SLC49A4: variants seen among roughly 807,000 people sequenced by gnomAD.
The protein encoded by SLC49A4 is solute carrier family 49 member 4.
In SLC49A4, 36 loss-of-function variants were observed where a neutral mutation model predicts 50.6. That is an observed-to-expected ratio of 0.71 (90% CI 0.55 to 0.94). The LOEUF (loss-of-function observed/expected upper bound fraction) is 0.94, where lower values mean the gene tolerates loss of function less well. SLC49A4 is among the 40% of genes least tolerant of loss of function. The pLI, the probability that SLC49A4 is intolerant of heterozygous loss-of-function variation, is 0.00. For synonymous variants in SLC49A4, 248 were observed against 241.2 expected, an observed-to-expected ratio of 1.03 and a Z score of -0.26; for missense variants, 503 against 605.7, an observed-to-expected ratio of 0.83 and a Z score of 1.78.
chr3:122,827,120 T>G, intron 3 of SLC49A4, 55 bp downstream of exon 3: 1 of 1,553,230 alleles, frequency 6.4e-7, no homozygotes, highest in Non-Finnish European at 8.7e-7. Context: ...CTCAATCATC[T>G]TCACTCTACT....
At chr3:122,797,660 G>C (rs1485556176) in intron 1 of SLC49A4, among the ~76,000 whole-genome samples, 1 of 152,170 alleles carries the variant, frequency 6.6e-6, no homozygotes, top group African/African-American at 2.4e-5. Flanking sequence ...GGTTATTGTT[G>C]TTTGCTTTTA....
intron 1 of SLC49A4, among the ~76,000 whole-genome samples, chr3:122,795,837 A>C (rs6768965): frequency 1.2e-3 from 185 of 152,366 alleles, no homozygotes; most frequent in African/African-American, 4.2e-3. Flanking sequence ...ATCCCCGTGC[A>C]CGTGCGGTGT....
At chr3:122,798,286 C>A (rs1936076600) in intron 1 of SLC49A4, among the ~76,000 whole-genome samples, 1 of 151,986 alleles carries the variant, frequency 6.6e-6, no homozygotes, top group Non-Finnish European at 1.5e-5. Context: ...ATTTAGCCAA[C>A]CTTGTTTTTT....
At chr3:122,837,011 G>A (rs1017211845) in intron 4 of SLC49A4, among the ~76,000 whole-genome samples, 4 of 152,174 alleles carry the variant, frequency 2.6e-5, no homozygotes, top group African/African-American at 9.7e-5. Context: ...CAAGGGATGT[G>A]AAGGACCTCT....
chr3:122,825,039 C>A (rs1168905318), intron 2 of SLC49A4, among the ~76,000 whole-genome samples: 1 of 152,012 alleles, frequency 6.6e-6, no homozygotes, highest in African/African-American at 2.4e-5. Context: ...AGCCAGGAGT[C>A]CTGCTTTCTT....
chr3:122,825,916 G>A (rs1576297400), intron 2 of SLC49A4, among the ~76,000 whole-genome samples: 1 of 152,168 alleles, frequency 6.6e-6, no homozygotes, highest in East Asian at 1.9e-4. Context: ...GGAGTGCTAA[G>A]GAGAATATTG....
chr3:122,866,678 T>G (rs1937125225), intron 7 of SLC49A4, among the ~76,000 whole-genome samples: 1 of 152,174 alleles, frequency 6.6e-6, no homozygotes, highest in Admixed American at 6.6e-5. Flanking sequence ...ACAGCTGTCA[T>G]GTCTGACCTT....
chr3:122,820,814 C>T (rs1936438368), intron 2 of SLC49A4, among the ~76,000 whole-genome samples: 1 of 152,352 alleles, frequency 6.6e-6, no homozygotes, highest in Admixed American at 6.5e-5. Context: ...GAAGTCTCAG[C>T]AGTGCTGATG....
chr3:122,855,929 A>G (rs1267639859), intron 5 of SLC49A4, among the ~76,000 whole-genome samples: 1 of 152,050 alleles, frequency 6.6e-6, no homozygotes, highest in Admixed American at 6.6e-5. Flanking sequence ...CCACCTCCTG[A>G]TACATTTTTA....
rs1254634298 is a variant in SLC49A4 at position 122,872,470 on chromosome 3, T to C, written c.1194T>C (p.Pro398=). The C allele has an allele frequency of 6.2e-7, 1 of 1,613,920 alleles. No individual in the cohort carries two copies. Among genetic ancestry groups the C allele is most frequent in the African/African-American group, 1.3e-5 (1 of 74,938 alleles). Residue 398 remains proline, a synonymous_variant, in exon 8 of 9, where the codon CCT becomes CCC. Transcript: ENST00000261038. ...LLGVFLNSSV[P]IFFELFVETV... Reference sequence around the variant, plus strand: ...GAGTGTTCTTGAATAGCAGCGTGCCTATATTTTTTGAGCTTTTTGTGGAAA... The same window carrying C: ...GAGTGTTCTTGAATAGCAGCGTGCCCATATTTTTTGAGCTTTTTGTGGAAA...
chr3:122,805,907 C>T (rs1936211095), intron 1 of SLC49A4, among the ~76,000 whole-genome samples: 1 of 152,084 alleles, frequency 6.6e-6, no homozygotes, highest in Non-Finnish European at 1.5e-5. Flanking sequence ...CTTCTAAAGT[C>T]CTAAGCCGTG....
At position 122,860,184 on chromosome 3, in the gene SLC49A4, CACCT is replaced by C; in HGVS notation, c.1125_1128del (p.Pro376Ter). The C allele has an allele frequency of 6.2e-7, 1 of 1,605,688 alleles. No individual in the cohort carries two copies. Among genetic ancestry groups the C allele is most frequent in the Non-Finnish European group, 8.5e-7 (1 of 1,176,426 alleles). On this transcript the variant is annotated frameshift_variant, in exon 7 of 9. Coordinates refer to ENST00000261038, the MANE Select transcript of SLC49A4 (RefSeq NM_032839.3). LOFTEE classifies it high-confidence loss of function. ...CCTGACCTGTTTGAACAGCATCACA[CACCT>C]ACCTTTAACCACAGGTGAGCATAGG... is the stretch of plus-strand genomic sequence containing the variant.
At chr3:122,859,840 A>G (rs1428839094) in intron 6 of SLC49A4, among the ~76,000 whole-genome samples, 2 of 152,184 alleles carry the variant, frequency 1.3e-5, no homozygotes, top group African/African-American at 2.4e-5. Context: ...CACTCAGAAT[A>G]TATCCTATAA....
At chr3:122,878,838 G>A (rs1431398041) in intron 8 of SLC49A4, among the ~76,000 whole-genome samples, 1 of 152,128 alleles carries the variant, frequency 6.6e-6, no homozygotes, top group Non-Finnish European at 1.5e-5. Context: ...ACATATAAAA[G>A]TGTTATTTCA....
chr3:122,797,165 A>G (rs1450772110), intron 1 of SLC49A4, among the ~76,000 whole-genome samples: 3 of 151,894 alleles, frequency 2.0e-5, no homozygotes, highest in African/African-American at 7.3e-5. Context: ...GCTGCTAAAA[A>G]AGAAAGGACA....
intron 4 of SLC49A4, among the ~76,000 whole-genome samples, chr3:122,840,413 A>G (rs1306167811): frequency 6.6e-6 from 1 of 152,214 alleles, no homozygotes. Context: ...AATTTTTTGT[A>G]TATTTGGGAT....
intron 6 of SLC49A4, among the ~76,000 whole-genome samples, chr3:122,859,763 G>A (rs1167116067): frequency 6.6e-6 from 1 of 152,084 alleles, no homozygotes; most frequent in African/African-American, 2.4e-5. Context: ...AGGCTGCAGT[G>A]AGCCGTGATC....
intron 5 of SLC49A4, among the ~76,000 whole-genome samples, chr3:122,853,535 G>C (rs543300083): frequency 1.3e-5 from 2 of 152,282 alleles, no homozygotes; most frequent in East Asian, 3.9e-4. Context: ...GAGGCAGGTG[G>C]ATCACTTGAG....
At chr3:122,851,832 CT>C (rs1015795962) in intron 5 of SLC49A4, among the ~76,000 whole-genome samples, 1 of 151,740 alleles carries the variant, frequency 6.6e-6, no homozygotes, top group Non-Finnish European at 1.5e-5. Flanking sequence ...CTCCCACCCA[CT>C]TTTTTTTGTT....
Sources: allele counts gnomAD v4.1 joint callset (sites outside exome capture counted in the v4.1 genomes callset), GRCh38; gene constraint gnomAD v4.1.1; transcripts MANE v1.5; gene names NCBI Gene and HGNC (gene_info 2026-07-23, HGNC 2026-07-21).